EYA4: variants seen among roughly 807,000 people sequenced by gnomAD.
EYA4 encodes the protein protein phosphatase EYA4.
In EYA4, 31 loss-of-function variants were observed where a neutral mutation model predicts 87.9. That is an observed-to-expected ratio of 0.35 (90% CI 0.27 to 0.48). EYA4 has a LOEUF of 0.48. EYA4 is among the 20% of genes least tolerant of loss of function. EYA4 has a pLI of 0.99. For synonymous variants in EYA4, 263 were observed against 270.6 expected (o/e 0.97, Z 0.28); for missense variants, 678 against 761.4 (o/e 0.89, Z 1.29).
chr6:133,464,584 C>G (rs142050128), intron 9 of EYA4, among the ~76,000 whole-genome samples, 195 bp from the exon 10 acceptor site: 12 of 152,208 alleles, frequency 7.9e-5, no homozygotes, highest in Non-Finnish European at 1.6e-4. Context: ...TCAACAGATT[C>G]AATAGGAAAG....
chr6:133,466,463 G>A (rs540335250), intron 10 of EYA4, among the ~76,000 whole-genome samples: 140 of 152,240 alleles, frequency 9.2e-4, no homozygotes, highest in African/African-American at 2.9e-3. Context: ...TGGGGCACAC[G>A]AAGGTGGGGC....
At chr6:133,323,744 A>G (rs1781280335) in intron 2 of EYA4, among the ~76,000 whole-genome samples, 1 of 152,158 alleles carries the variant, frequency 6.6e-6, no homozygotes, top group African/African-American at 2.4e-5. Context: ...TTTTCCAGTA[A>G]CAGGTTTGAT....
At chr6:133,478,071 A>G (rs1425834268) in intron 11 of EYA4, among the ~76,000 whole-genome samples, 1 of 152,096 alleles carries the variant, frequency 6.6e-6, no homozygotes, top group Admixed American at 6.6e-5. Flanking sequence ...CACACCCAAA[A>G]TGGTGAAAAT....
chr6:133,266,863 T>C (rs909749977), intron 1 of EYA4, among the ~76,000 whole-genome samples: 3 of 152,136 alleles, frequency 2.0e-5, no homozygotes, highest in Admixed American at 6.6e-5. Context: ...GTTTATTCCA[T>C]TTTTTTGTTT....
rs1172302005 is a variant in EYA4 at position 133,529,712 on chromosome 6, T to C, written c.*907T>C. Reference sequence around the variant, plus strand: ...AATTCCAATAATTGTATGAGGCAACTATTTGCGCATCCAACCATGAGTGGA... The same window carrying C: ...AATTCCAATAATTGTATGAGGCAACCATTTGCGCATCCAACCATGAGTGGA... On this transcript the variant is annotated 3_prime_UTR_variant, in exon 20 of 20. Transcript: ENST00000355286. 5.1e-6 allele frequency: 5 copies of C among 984,986 alleles called. No individual in the cohort carries two copies. In the African/African-American group the frequency reaches 8.7e-5, roughly 17 times the overall value. 61.0% of individuals were successfully genotyped at this position (984,986 alleles called of 1,614,324 possible). A position where few individuals can be genotyped will look rare whatever the true frequency, so the allele number is the denominator to read the frequency against.
Position 133,289,521 on chromosome 6 carries a change from AT to A in EYA4, c.33+14712del, listed in dbSNP as rs1159073366. Among the ~76,000 whole-genome samples the A allele has an allele frequency of 9.2e-5, 14 of 152,296 alleles. No individual in the cohort carries two copies. The South Asian group carries it at 2.7e-3, about 29-fold the overall frequency. On this transcript the variant is annotated intron_variant, in intron 2 of 19. Transcript: ENST00000355286. Reference sequence around the variant, plus strand: ...ACTGCTAGCATTGAAAATTTATTTTATTTTGTATTGAAACAATTAAGAAGAT... The same window carrying A: ...ACTGCTAGCATTGAAAATTTATTTTATTTGTATTGAAACAATTAAGAAGAT...
At chr6:133,436,249 C>T (rs1261203408) in intron 3 of EYA4, among the ~76,000 whole-genome samples, 3 of 151,726 alleles carry the variant, frequency 2.0e-5, no homozygotes, top group African/African-American at 7.3e-5. Context: ...GAAATTTCCA[C>T]ATGCATTTCC....
intron 19 of EYA4, among the ~76,000 whole-genome samples, chr6:133,526,361 G>A (rs970085122): frequency 6.6e-6 from 1 of 152,098 alleles, no homozygotes; most frequent in Non-Finnish European, 1.5e-5. Flanking sequence ...TTTGCCATTT[G>A]CATGTGCTGG....
chr6:133,427,993 A>G (rs1004301941), intron 3 of EYA4, among the ~76,000 whole-genome samples: 3 of 152,196 alleles, frequency 2.0e-5, no homozygotes, highest in Non-Finnish European at 4.4e-5. Context: ...AGAAATGCTG[A>G]TTGTACTTGG....
chr6:133,266,054 A>G (rs2128249217), intron 1 of EYA4, among the ~76,000 whole-genome samples: 1 of 152,350 alleles, frequency 6.6e-6, no homozygotes, highest in African/African-American at 2.4e-5. Flanking sequence ...TAATAATTAT[A>G]CATGTGTGGT....
chr6:133,422,779 C>A (rs1790328456), intron 3 of EYA4, among the ~76,000 whole-genome samples: 1 of 152,214 alleles, frequency 6.6e-6, no homozygotes, highest in Admixed American at 6.5e-5. Context: ...CCTCTGCCTG[C>A]TATTGGCTTT....
intron 2 of EYA4, among the ~76,000 whole-genome samples, chr6:133,355,904 TG>T (rs1562323422): frequency 6.6e-6 from 1 of 152,106 alleles, no homozygotes; most frequent in Non-Finnish European, 1.5e-5. Flanking sequence ...TACCATAGAC[TG>T]GGTAGCTTAG....
intron 13 of EYA4, among the ~76,000 whole-genome samples, chr6:133,499,104 C>T (rs1159731109): frequency 6.6e-6 from 1 of 152,158 alleles, no homozygotes; most frequent in Non-Finnish European, 1.5e-5. Flanking sequence ...GTAACCTGCC[C>T]TGAAGTTTTC....
At chr6:133,362,635 G>T (rs965590625) in intron 2 of EYA4, among the ~76,000 whole-genome samples, 3 of 152,198 alleles carry the variant, frequency 2.0e-5, no homozygotes, top group Non-Finnish European at 4.4e-5. Context: ...AGTGGTTATG[G>T]CTGCTAAGTC....
chr6:133,320,994 A>G (rs561241079), intron 2 of EYA4, among the ~76,000 whole-genome samples: 80 of 152,324 alleles, frequency 5.3e-4, no homozygotes, highest in African/African-American at 1.8e-3. Flanking sequence ...TTAGCTGGAC[A>G]TAACAGTCTA....
At chr6:133,349,045 G>A (rs1157916844) in intron 2 of EYA4, among the ~76,000 whole-genome samples, 1 of 152,138 alleles carries the variant, frequency 6.6e-6, no homozygotes, top group Admixed American at 6.5e-5. Flanking sequence ...AGCCAAAATA[G>A]CAGGATGTGG....
At chr6:133,387,901 C>T (rs888263302) in intron 3 of EYA4, among the ~76,000 whole-genome samples, 1 of 151,984 alleles carries the variant, frequency 6.6e-6, no homozygotes, top group Non-Finnish European at 1.5e-5. Flanking sequence ...TTTGTTTTAC[C>T]TTTTCTGGGG....
At chr6:133,414,622 C>T (rs1789546686) in intron 3 of EYA4, among the ~76,000 whole-genome samples, 1 of 152,168 alleles carries the variant, frequency 6.6e-6, no homozygotes, top group Non-Finnish European at 1.5e-5. Context: ...TGGCTTCCTC[C>T]TTTCTGCACC....
At chr6:133,421,012 T>G (rs1790172871) in intron 3 of EYA4, among the ~76,000 whole-genome samples, 1 of 152,344 alleles carries the variant, frequency 6.6e-6, no homozygotes, top group African/African-American at 2.4e-5. Context: ...ACATCAAGCT[T>G]CGCTGCAGAA....
Sources: gnomAD v4.1 joint callset for allele counts (sites outside exome capture counted in the v4.1 genomes callset) on GRCh38, gnomAD v4.1.1 for gene constraint, MANE v1.5 for transcripts, NCBI Gene and HGNC (gene_info 2026-07-23, HGNC 2026-07-21) for gene names.